ETV6: variants seen among roughly 807,000 people sequenced by gnomAD.
ETV6 encodes ETS variant transcription factor 6.
A neutral mutation model predicts 51.1 loss-of-function variants in ETV6; 16 were observed. That is an observed-to-expected ratio of 0.31 (90% CI 0.21 to 0.48). ETV6 has a LOEUF of 0.48. Ranked by LOEUF, ETV6 falls within the 20% of genes least tolerant of loss-of-function variation. The probability of loss-of-function intolerance (pLI) is 0.99; values close to 1 mark genes in which losing one functional copy is unlikely to be tolerated. For synonymous variants in ETV6, 240 were observed against 224.1 expected (o/e 1.07, Z -0.64); for missense variants, 458 against 594.8 (o/e 0.77, Z 2.39).
Position 11,893,072 on chromosome 12 carries a change from G to A in ETV6, c.*2026G>A. On this transcript the variant is annotated 3_prime_UTR_variant, in exon 8 of 8. Transcript: ENST00000396373. ...GCTTGAATGGTGATGAGATTCTGCT[G>A]GATCTCAGCACGCTGCAGGTGTCTT... 4.3e-6 allele frequency: 1 copy of A among 232,832 alleles called. No homozygotes were observed. 14.4% of individuals were successfully genotyped at this position (232,832 alleles called of 1,614,324 possible). A position where few individuals can be genotyped will look rare whatever the true frequency, so the allele number is the denominator to read the frequency against.
chr12:11,714,821 A>C (rs550817333), intron 1 of ETV6, among the ~76,000 whole-genome samples: 2 of 152,220 alleles, frequency 1.3e-5, no homozygotes, highest in African/African-American at 4.8e-5. Flanking sequence ...GCTGGAACAC[A>C]AGGTGGGGAG....
intron 1 of ETV6, among the ~76,000 whole-genome samples, chr12:11,674,344 G>A (rs1253635912): frequency 1.3e-5 from 2 of 152,130 alleles, no homozygotes; most frequent in African/African-American, 2.4e-5. Flanking sequence ...AGTGACCTAG[G>A]AAGGGAAGCT....
At chr12:11,760,195 C>T (rs1229349040) in intron 2 of ETV6, among the ~76,000 whole-genome samples, 4 of 152,322 alleles carry the variant, frequency 2.6e-5, no homozygotes, top group Non-Finnish European at 4.4e-5. Flanking sequence ...AGTCACACTG[C>T]CCCAATATTT....
At chr12:11,865,322 A>G (rs911786124) in intron 4 of ETV6, among the ~76,000 whole-genome samples, 4 of 151,826 alleles carry the variant, frequency 2.6e-5, no homozygotes, top group African/African-American at 7.2e-5. Flanking sequence ...TAGAACCATC[A>G]TATCACTTGA....
At chr12:11,818,016 A>C (rs1267729069) in intron 2 of ETV6, among the ~76,000 whole-genome samples, 1 of 152,176 alleles carries the variant, frequency 6.6e-6, no homozygotes, top group Non-Finnish European at 1.5e-5. Context: ...CAGACAGACG[A>C]AGCAAGTGTG....
rs557490388 is a variant in ETV6 at position 11,798,639 on chromosome 12, A to G, written c.164-40501A>G. Among the ~76,000 whole-genome samples the G allele has an allele frequency of 3.7e-4, 57 of 152,346 alleles. 1 individual carries two copies. The highest frequency in any genetic ancestry group is 3.7e-3 in the Admixed American group (57 of 15,306). On this transcript the variant is annotated intron_variant, in intron 2 of 7. Transcript: ENST00000396373. The stretch of plus-strand genomic sequence containing the variant: ...TAAAGAAACAGCAGAAAAAATGTAA[A>G]ATCTCAATCACTCTGTAGCCATGAC...
At chr12:11,707,211 T>G (rs150401174) in intron 1 of ETV6, among the ~76,000 whole-genome samples, 5 of 152,162 alleles carry the variant, frequency 3.3e-5, no homozygotes, top group Non-Finnish European at 7.4e-5. Flanking sequence ...AAAAACGTGT[T>G]GGAGAGGAAA....
intron 5 of ETV6, among the ~76,000 whole-genome samples, chr12:11,870,282 C>G (rs1198186258): frequency 1.3e-5 from 2 of 152,158 alleles, no homozygotes; most frequent in Non-Finnish European, 2.9e-5. Flanking sequence ...TATGAGCATG[C>G]TAATGGCCCT....
intron 3 of ETV6, among the ~76,000 whole-genome samples, chr12:11,847,934 C>T (rs1166399118): frequency 1.3e-5 from 2 of 152,108 alleles, no homozygotes; most frequent in African/African-American, 4.8e-5. Context: ...CAAATGGGGA[C>T]AGTAAGAGCT....
intron 1 of ETV6, among the ~76,000 whole-genome samples, chr12:11,728,614 G>T (rs144539796): frequency 0.01 from 1,541 of 152,176 alleles, 34 homozygotes; most frequent in South Asian, 0.088. Context: ...TGCCAAAAAG[G>T]TTGAGGACTG....
At chr12:11,859,119 G>T (rs4763729) in intron 4 of ETV6, among the ~76,000 whole-genome samples, 2,031 of 66,124 alleles carry the variant, frequency 0.031, 929 homozygotes, top group African/African-American at 0.1. Context: ...TATGAATCTG[G>T]TTTTTTTTTT....
At chr12:11,846,868 T>TG (rs1339084466) in intron 3 of ETV6, among the ~76,000 whole-genome samples, 1 of 152,124 alleles carries the variant, frequency 6.6e-6, no homozygotes, top group Non-Finnish European at 1.5e-5. Context: ...GTTTGTTTGT[T>TG]TTTGTTTGTT....
At chr12:11,760,774 C>T (rs1471012846) in intron 2 of ETV6, among the ~76,000 whole-genome samples, 1 of 151,992 alleles carries the variant, frequency 6.6e-6, no homozygotes, top group Non-Finnish European at 1.5e-5. Flanking sequence ...CCTTAGGAGC[C>T]ACTCTGAGGT....
intron 1 of ETV6, among the ~76,000 whole-genome samples, chr12:11,653,834 G>A (rs1863951814): frequency 6.6e-6 from 1 of 151,842 alleles, no homozygotes; most frequent in Admixed American, 6.6e-5. Context: ...TTTTTTTGGA[G>A]ACAGAGTCTC....
chr12:11,817,248 T>C (rs1565537444), intron 2 of ETV6, among the ~76,000 whole-genome samples: 1 of 152,216 alleles, frequency 6.6e-6, no homozygotes, highest in East Asian at 1.9e-4. Context: ...AGGTATATAG[T>C]ATAATCTCAA....
intron 2 of ETV6, among the ~76,000 whole-genome samples, chr12:11,805,437 C>G (rs1286987370): frequency 1.3e-5 from 2 of 152,108 alleles, no homozygotes; most frequent in Non-Finnish European, 2.9e-5. Flanking sequence ...CAGGGATAGA[C>G]AAGATATGTC....
At chr12:11,712,567 T>C (rs1865193170) in intron 1 of ETV6, among the ~76,000 whole-genome samples, 1 of 152,142 alleles carries the variant, frequency 6.6e-6, no homozygotes, top group South Asian at 2.1e-4. Flanking sequence ...AATAGATAGA[T>C]AGGTGTGTAT....
At chr12:11,737,242 G>T (rs186708585) in intron 1 of ETV6, among the ~76,000 whole-genome samples, 3 of 152,286 alleles carry the variant, frequency 2.0e-5, no homozygotes, top group African/African-American at 4.8e-5. Context: ...ACTTGGCCTG[G>T]AACTCTACAA....
chr12:11,784,882 T>TTG (rs1945463164), intron 2 of ETV6, among the ~76,000 whole-genome samples: 1 of 148,900 alleles, frequency 6.7e-6, no homozygotes, highest in Non-Finnish European at 1.5e-5. Context: ...TTTTTTTTTT[T>TTG]TTTTGGTAGA....
Sources: gnomAD v4.1 joint callset for allele counts (sites outside exome capture counted in the v4.1 genomes callset) on GRCh38, gnomAD v4.1.1 for gene constraint, MANE v1.5 for transcripts, NCBI Gene and HGNC (gene_info 2026-07-23, HGNC 2026-07-21) for gene names.